The following P2RY8 variants were observed in gnomAD, a reference collection of about 807,000 sequenced individuals.
The protein encoded by P2RY8 is S-geranylgeranyl-glutathione receptor P2RY8.
P2RY8 carries 6 observed loss-of-function variants against 10.0 expected under a neutral mutation model. The ratio of observed to expected loss-of-function variants is 0.60; its 90% CI spans 0.33 to 1.19. The LOEUF is 1.19. P2RY8 is among the 50% of genes most tolerant of loss of function. The pLI, the probability that P2RY8 is intolerant of heterozygous loss-of-function variation, is 0.04. For missense variants in P2RY8, 456 were observed against 542.0 expected (o/e 0.84, Z 1.58); for synonymous variants, 276 against 252.5 (o/e 1.09, Z -0.88).
intron 1 of P2RY8, among the ~76,000 whole-genome samples, chrX:1,522,930 ATGGTGCCACATG>A (rs1443891194): frequency 1.0e-3 from 158 of 150,760 alleles, no homozygotes; most frequent in African/African-American, 3.8e-3. Context: ...TTAGCTGGGC[ATGGTGCCACATG>A]CCTATAATCC....
At chrX:1,488,255 G>A (rs2092006035) in intron 1 of P2RY8, among the ~76,000 whole-genome samples, 1 of 152,160 alleles carries the variant, frequency 6.6e-6, no homozygotes, top group Non-Finnish European at 1.5e-5. Flanking sequence ...GCCTGGTTCT[G>A]CCCTAAACCA....
At chrX:1,527,832 T>C (rs1415163890) in intron 1 of P2RY8, among the ~76,000 whole-genome samples, 13 of 152,198 alleles carry the variant, frequency 8.5e-5, no homozygotes, top group Admixed American at 8.5e-4. Flanking sequence ...ATTTATTCAT[T>C]CACCCATCTA....
chrX:1,486,679 C>T (rs1232870462), intron 1 of P2RY8, among the ~76,000 whole-genome samples: 1 of 152,182 alleles, frequency 6.6e-6, no homozygotes, highest in African/African-American at 2.4e-5. Context: ...TCCTAAATGT[C>T]CCCCAGTTAT....
At chrX:1,508,744 A>G (rs1232694156) in intron 1 of P2RY8, among the ~76,000 whole-genome samples, 1 of 143,518 alleles carries the variant, frequency 7.0e-6, no homozygotes, top group African/African-American at 2.6e-5. Flanking sequence ...CTATCTATCT[A>G]TCTATCTATT....
intron 1 of P2RY8, among the ~76,000 whole-genome samples, chrX:1,532,307 C>CAT (rs1232981318): frequency 1.8e-4 from 6 of 32,596 alleles, no homozygotes; most frequent in Non-Finnish European, 3.0e-4. Flanking sequence ...ATATGTGTGC[C>CAT]ATATATATAC....
intron 1 of P2RY8, among the ~76,000 whole-genome samples, chrX:1,501,786 G>A (rs1444786349): frequency 1.3e-5 from 2 of 151,598 alleles, no homozygotes; most frequent in Non-Finnish European, 2.9e-5. Flanking sequence ...GTAGAGATGG[G>A]GTTTCACCGT....
chrX:1,492,620 C>T (rs1186653403), intron 1 of P2RY8, among the ~76,000 whole-genome samples: 3 of 152,138 alleles, frequency 2.0e-5, no homozygotes, highest in Non-Finnish European at 4.4e-5. Flanking sequence ...CATAGAAATC[C>T]TAATTATCCA....
rs182071250 is a variant in P2RY8, at chrX:1,515,457, C to T, written c.-25+21464G>A. Among the ~76,000 whole-genome samples, 382 of 151,622 alleles carry T rather than the reference C, an allele frequency of 2.5e-3. 3 individuals are homozygous for T. The highest frequency in any genetic ancestry group is 4.2e-3 in the Non-Finnish European group (288 of 67,846). On this transcript the variant is annotated intron_variant, in intron 1 of 1. Transcript: ENST00000381297. ...CACAATCTCTGCTCACCGCAACCTC[C>T]GCCTCCCAGGTTCAAGCGATTCCCC...
intron 1 of P2RY8, among the ~76,000 whole-genome samples, chrX:1,475,768 C>T (rs1218756392): frequency 2.6e-5 from 4 of 152,198 alleles, no homozygotes; most frequent in Admixed American, 2.0e-4. Context: ...GATATAAAGA[C>T]GGCACTGCAA....
chrX:1,478,272 T>TGTGTGTGTGTGTGTGTGTGTGTGTGC (rs1318193075), intron 1 of P2RY8, among the ~76,000 whole-genome samples: 30 of 104,014 alleles, frequency 2.9e-4, no homozygotes, highest in African/African-American at 5.4e-4. Context: ...TGTGTGTGTG[T>TGTGTGTGTGTGTGTGTGTGTGTGTGC]GCCCAGCAGG....
At chrX:1,505,658 C>T (rs748334137) in intron 1 of P2RY8, among the ~76,000 whole-genome samples, 19 of 152,070 alleles carry the variant, frequency 1.2e-4, no homozygotes, top group East Asian at 5.8e-4. Context: ...GGTGTGGTGG[C>T]GGGCGCCTGT....
chrX:1,523,450 C>T (rs1357883714), intron 1 of P2RY8, among the ~76,000 whole-genome samples: 1 of 152,154 alleles, frequency 6.6e-6, no homozygotes, highest in East Asian at 1.9e-4. Flanking sequence ...TTTTGAGGTT[C>T]ATCCATATTG....
chrX:1,530,513 C>T (rs2092466853), intron 1 of P2RY8, among the ~76,000 whole-genome samples: 2 of 150,236 alleles, frequency 1.3e-5, no homozygotes, highest in South Asian at 4.3e-4. Flanking sequence ...ATATATGTAT[C>T]TAATTTATGT....
intron 1 of P2RY8, among the ~76,000 whole-genome samples, chrX:1,498,676 C>A (rs2092144873): frequency 1.3e-5 from 2 of 149,904 alleles, no homozygotes; most frequent in South Asian, 4.2e-4. Context: ...CGCCACCATG[C>A]CCGGCTAATT....
At chrX:1,495,507 A>C (rs1241313612) in intron 1 of P2RY8, among the ~76,000 whole-genome samples, 2 of 150,456 alleles carry the variant, frequency 1.3e-5, no homozygotes, top group African/African-American at 4.9e-5. Context: ...CCCAGGAGAG[A>C]GGCCTCAGGA....
At position 1,464,611 on chromosome X, in the gene P2RY8, C is replaced by T. The variant is rs1234336677; in HGVS notation, c.*868G>A. 1.6e-4 allele frequency: 38 copies of T among 233,362 alleles called. No homozygotes were observed. The highest frequency in any genetic ancestry group is 2.5e-4 in the Non-Finnish European group (30 of 118,152). The allele number at this position is 233,362 out of a possible 1,614,324, so 14.5% of individuals were successfully genotyped here. A position where few individuals can be genotyped will look rare whatever the true frequency, so the allele number is the denominator to read the frequency against. The stretch of plus-strand genomic sequence containing the variant: ...ACCCCATCTCACGGAGCCTCCTTTC[C>T]GCACCTGGGCCTCCCGTGGTCCTTG... On this transcript the variant is annotated 3_prime_UTR_variant, in exon 2 of 2. Coordinates refer to ENST00000381297, the MANE Select transcript of P2RY8 (RefSeq NM_178129.5).
chrX:1,525,424 A>G (rs1396311974), intron 1 of P2RY8, among the ~76,000 whole-genome samples: 1 of 152,186 alleles, frequency 6.6e-6, no homozygotes, highest in Non-Finnish European at 1.5e-5. Context: ...TTGCTGTGTG[A>G]AGACAGAGGC....
Position 1,465,879 on chromosome X carries a change from T to C in P2RY8, c.680A>G (p.His227Arg). The C allele has an allele frequency of 6.2e-7, 1 of 1,612,442 alleles. No homozygotes were observed. Among genetic ancestry groups the C allele is most frequent in the Non-Finnish European group, 8.5e-7 (1 of 1,179,678 alleles). ...CGCGCGCCTCCGCTGCTCCCGGCCG[T>C]GCGCCTCCTCCGTGCGCAACAGCTT... ...ILKLLRTEEA[H>R]GREQRRRAVG... is the part of the protein sequence containing the mutation. Residue 227 changes from histidine (H) to arginine (R), a missense_variant, in exon 2 of 2, where the codon CAC (histidine) becomes CGC (arginine). Coordinates refer to ENST00000381297, the MANE Select transcript of P2RY8 (RefSeq NM_178129.5).
chrX:1,483,829 C>T (rs1400923804), intron 1 of P2RY8, among the ~76,000 whole-genome samples: 1 of 151,432 alleles, frequency 6.6e-6, no homozygotes, highest in Non-Finnish European at 1.5e-5. Context: ...GAGCTGGGCT[C>T]TCCTAAACCC....
Sources: allele counts gnomAD v4.1 joint callset (sites outside exome capture counted in the v4.1 genomes callset), GRCh38; gene constraint gnomAD v4.1.1; transcripts MANE v1.5; gene names NCBI Gene and HGNC (gene_info 2026-07-23, HGNC 2026-07-21).